Variants in SULT1B1 observed in about 807,000 individuals in gnomAD.
SULT1B1 encodes the protein sulfotransferase family 1B member 1.
SULT1B1 carries 28 observed loss-of-function variants against 34.6 expected under a neutral mutation model. The ratio of observed to expected loss-of-function variants is 0.81; its 90% CI spans 0.60 to 1.11. SULT1B1 has a LOEUF of 1.11. Among genes scored for constraint, SULT1B1 ranks in the 50% least tolerant of loss-of-function variants. SULT1B1 has a pLI of 0.00. For missense variants in SULT1B1, 374 were observed against 352.2 expected (o/e 1.06, Z -0.50); for synonymous variants, 147 against 110.2 (o/e 1.33, Z -2.09).
chr4:69,728,092 T>C (rs1328571713), intron 7 of SULT1B1, among the ~76,000 whole-genome samples: 2 of 151,964 alleles, frequency 1.3e-5, no homozygotes, highest in Admixed American at 1.3e-4. Flanking sequence ...TGTCAATAGC[T>C]CTGGAATTCA....
At chr4:69,737,260 T>C (rs770295573) in intron 4 of SULT1B1, among the ~76,000 whole-genome samples, 81 of 152,120 alleles carry the variant, frequency 5.3e-4, no homozygotes, top group Non-Finnish European at 1.0e-3. Context: ...AAAACTGTTC[T>C]CACTCAAGAA....
Position 69,725,054 on chromosome 4 carries a change from C to G in SULT1B1, c.*2034G>C, listed in dbSNP as rs1294102313. ...ATTAAACTAAAGAGCTTCTGCACAGCAAAAGAAACTACCATCAGCGTGAAC... is the reference window on the plus strand; with the variant it reads ...ATTAAACTAAAGAGCTTCTGCACAGGAAAAGAAACTACCATCAGCGTGAAC... On this transcript the variant is annotated 3_prime_UTR_variant, in exon 8 of 8. Coordinates refer to ENST00000310613, the MANE Select transcript of SULT1B1 (RefSeq NM_014465.4). 1 of 151,354 alleles carries G rather than the reference C, an allele frequency of 6.6e-6. No homozygotes were observed. The allele number at this position is 151,354 out of a possible 1,614,324, so 9.4% of individuals were successfully genotyped here. A position where few individuals can be genotyped will look rare whatever the true frequency, so the allele number is the denominator to read the frequency against.
chr4:69,727,107 TG>T lies in SULT1B1; in HGVS notation c.871del (p.Gln291AsnfsTer14). On this transcript the variant is annotated frameshift_variant, in exon 8 of 8. Coordinates refer to ENST00000310613, the MANE Select transcript of SULT1B1 (RefSeq NM_014465.4). LOFTEE classifies it high-confidence loss of function. Reference sequence around the variant, plus strand: ...GACACTTTAAATCTCTGTGCGGAATTGAAGTGCAGTTTTGGACATTTCTGTC... The same window carrying T: ...GACACTTTAAATCTCTGTGCGGAATTAAGTGCAGTTTTGGACATTTCTGTC... ...YETEMSKTAL[Q>X]FRTEI The T allele has an allele frequency of 6.2e-7, 1 of 1,607,810 alleles. No homozygotes were observed. Among genetic ancestry groups the T allele is most frequent in the Non-Finnish European group, 8.5e-7 (1 of 1,177,140 alleles).
chr4:69,740,290 C>T (rs1262167767), intron 4 of SULT1B1, among the ~76,000 whole-genome samples: 2 of 152,330 alleles, frequency 1.3e-5, no homozygotes, highest in East Asian at 3.9e-4. Flanking sequence ...AGTTGACTCA[C>T]AGTTTCCTAT....
At chr4:69,749,679 A>G in intron 4 of SULT1B1, 42 bp downstream of exon 4, 1 of 1,393,320 alleles carries the variant, frequency 7.2e-7, no homozygotes, top group South Asian at 1.2e-5. Context: ...GGGTAAAGGG[A>G]TAGGGCCATA....
chr4:69,741,459 G>A (rs1464322445), intron 4 of SULT1B1, among the ~76,000 whole-genome samples: 1 of 152,118 alleles, frequency 6.6e-6, no homozygotes, highest in Non-Finnish European at 1.5e-5. Context: ...CATTGAATCT[G>A]TAAATTCCTT....
intron 4 of SULT1B1, among the ~76,000 whole-genome samples, chr4:69,748,847 G>A (rs144990604): frequency 6.2e-4 from 95 of 152,218 alleles, no homozygotes; most frequent in Non-Finnish European, 9.4e-4. Flanking sequence ...TGTGTGGGAT[G>A]CAACTAAAGC....
chr4:69,747,741 T>G (rs1718807847), intron 4 of SULT1B1, among the ~76,000 whole-genome samples: 1 of 152,178 alleles, frequency 6.6e-6, no homozygotes, highest in Non-Finnish European at 1.5e-5. Context: ...AGGAGTCTCC[T>G]GCAGCTAGGA....
Position 69,723,823 on chromosome 4 carries a change from C to A in SULT1B1, c.*3265G>T, listed in dbSNP as rs1279030073. ...AGAAAAGGCCTTTGACAAAATTCAACAGCCTTCATGCTAAAAACTCTCAAT... is the reference window on the plus strand; with the variant it reads ...AGAAAAGGCCTTTGACAAAATTCAAAAGCCTTCATGCTAAAAACTCTCAAT... On this transcript the variant is annotated 3_prime_UTR_variant, in exon 8 of 8. Transcript: ENST00000310613. The A allele has an allele frequency of 6.6e-6, 1 of 152,144 alleles. No homozygotes were observed. The highest frequency in any genetic ancestry group is 1.9e-4 in the East Asian group (1 of 5,186). 9.4% of individuals were successfully genotyped at this position (152,144 alleles called of 1,614,324 possible). A position where few individuals can be genotyped will look rare whatever the true frequency, so the allele number is the denominator to read the frequency against.
In SULT1B1 at chr4:69,730,540, T is replaced by C. The variant is rs752900222; in HGVS notation, c.739A>G (p.Thr247Ala). The C allele has an allele frequency of 1.2e-6, 2 of 1,611,484 alleles. No homozygotes were observed. Among genetic ancestry groups the C allele is most frequent in the South Asian group, 1.1e-5 (1 of 90,988 alleles). ...PLVNYTHLPTTVMDHSKSPFM... is the reference protein window; with the variant it reads ...PLVNYTHLPTAVMDHSKSPFM... ...GGGGATTTGCTATGATCCATCACTG[T>C]AGTTGGTAGATGTGTATAATTTACC... is the stretch of plus-strand genomic sequence containing the variant. Residue 247 changes from threonine (T) to alanine (A), a missense_variant, in exon 7 of 8, where the codon ACA (threonine) becomes GCA (alanine). Transcript: ENST00000310613.
intron 7 of SULT1B1, among the ~76,000 whole-genome samples, chr4:69,729,236 C>T (rs974539211): frequency 6.6e-6 from 1 of 152,014 alleles, no homozygotes; most frequent in African/African-American, 2.4e-5. Context: ...TACAGACTTG[C>T]GCTGGCCAGG....
At chr4:69,738,942 G>A (rs1346481617) in intron 4 of SULT1B1, among the ~76,000 whole-genome samples, 1 of 152,120 alleles carries the variant, frequency 6.6e-6, no homozygotes, top group Non-Finnish European at 1.5e-5. Context: ...ATCCAATGGG[G>A]CAGTCAATAA....
Position 69,730,664 on chromosome 4 carries a change from G to T in SULT1B1, c.615C>A (p.Ile205=), listed in dbSNP as rs748832209. The stretch of plus-strand genomic sequence containing the variant: ...TCTCTAGAAATCTAATGATCTTCTT[G>T]ATTTCCTCCTTTGGATTCTATTAGT... ...EDMKENPKEE[I]KKIIRFLEKN... Residue 205 remains isoleucine (I), a synonymous_variant, in exon 7 of 8, where the codon ATC becomes ATA. Coordinates refer to ENST00000310613, the MANE Select transcript of SULT1B1 (RefSeq NM_014465.4). 1 of 1,611,902 alleles carries T rather than the reference G, an allele frequency of 6.2e-7. No individual in the cohort carries two copies. Among genetic ancestry groups the T allele is most frequent in the Non-Finnish European group, 8.5e-7 (1 of 1,179,416 alleles).
chr4:69,732,867 G>A (rs1390396798), intron 6 of SULT1B1, among the ~76,000 whole-genome samples: 2 of 151,920 alleles, frequency 1.3e-5, no homozygotes, highest in South Asian at 4.1e-4. Flanking sequence ...AAGACAGTAA[G>A]AATAACTTTT....
intron 4 of SULT1B1, among the ~76,000 whole-genome samples, chr4:69,739,020 G>C (rs1219180831): frequency 7.2e-5 from 11 of 152,212 alleles, no homozygotes; most frequent in Non-Finnish European, 1.5e-5. Flanking sequence ...GATGTAAGAG[G>C]TAGACTCCCA....
In SULT1B1 at chr4:69,721,723, G is replaced by T. The variant is rs1287378981; in HGVS notation, c.*5365C>A. The T allele has an allele frequency of 6.6e-6, 1 of 152,070 alleles. No homozygotes were observed. The highest frequency in any genetic ancestry group is 1.5e-5 in the Non-Finnish European group (1 of 67,984). The allele number at this position is 152,070 out of a possible 1,614,324, so 9.4% of individuals were successfully genotyped here. On this transcript the variant is annotated 3_prime_UTR_variant, in exon 8 of 8. Coordinates refer to ENST00000310613, the MANE Select transcript of SULT1B1 (RefSeq NM_014465.4). ...TCCCTTTGAATGTATGAATCTGAGT[G>T]TCTATCCATGTCATGATGAAAAGTT...
intron 4 of SULT1B1, among the ~76,000 whole-genome samples, chr4:69,740,361 T>C (rs1367883595): frequency 6.6e-6 from 1 of 152,218 alleles, no homozygotes; most frequent in Non-Finnish European, 1.5e-5. Flanking sequence ...AGCAGGTATC[T>C]TCTTTATAGG....
intron 4 of SULT1B1, among the ~76,000 whole-genome samples, chr4:69,738,650 C>T (rs1718413069): frequency 6.6e-6 from 1 of 152,196 alleles, no homozygotes. Context: ...TATCATTCTT[C>T]CATGGTCCCT....
chr4:69,752,750 C>T (rs1719025264), intron 3 of SULT1B1, among the ~76,000 whole-genome samples: 1 of 152,172 alleles, frequency 6.6e-6, no homozygotes, highest in African/African-American at 2.4e-5. Flanking sequence ...CTGAGGGGCA[C>T]CTCCATTATA....
Sources: allele counts gnomAD v4.1 joint callset (sites outside exome capture counted in the v4.1 genomes callset), GRCh38; gene constraint gnomAD v4.1.1; transcripts MANE v1.5; gene names NCBI Gene and HGNC (gene_info 2026-07-23, HGNC 2026-07-21).